Variants in MAP3K9 observed in about 807,000 individuals in gnomAD.
MAP3K9 encodes mitogen-activated protein kinase kinase kinase 9, also known as mixed lineage kinase 1 (tyr and ser/thr specificity).
Under a neutral mutation model 95.8 loss-of-function variants are expected in MAP3K9, and 46 were observed. The observed-to-expected ratio is 0.48, with a 90% confidence interval of 0.38 to 0.61. The LOEUF (loss-of-function observed/expected upper bound fraction) is 0.61, where lower values mean the gene tolerates loss of function less well. Among genes scored for constraint, MAP3K9 ranks in the 20% least tolerant of loss-of-function variants. The pLI is 0.00. For synonymous variants in MAP3K9, 533 were observed against 593.8 expected (o/e 0.90, Z 1.49); for missense variants, 1,296 against 1,474.3 (o/e 0.88, Z 1.98).
intron 2 of MAP3K9, among the ~76,000 whole-genome samples, chr14:70,793,747 C>T (rs1469795419): frequency 6.6e-6 from 1 of 152,082 alleles, no homozygotes. Flanking sequence ...GAGCTAAAGA[C>T]ACAAAACCTA....
intron 2 of MAP3K9, among the ~76,000 whole-genome samples, chr14:70,789,294 T>C (rs1594807320): frequency 6.6e-6 from 1 of 152,126 alleles, no homozygotes; most frequent in Admixed American, 6.5e-5. Context: ...GTGGGAATAG[T>C]AAAACTATGC....
chr14:70,749,404 C>T (rs1242473529), intron 4 of MAP3K9: 1 of 167,206 alleles, frequency 6.0e-6, no homozygotes, highest in African/African-American at 2.4e-5. Context: ...CCTTCCCCCA[C>T]CCACAATGGG....
At chr14:70,792,580 C>A (rs2054818218) in intron 2 of MAP3K9, among the ~76,000 whole-genome samples, 1 of 152,244 alleles carries the variant, frequency 6.6e-6, no homozygotes. Context: ...GCTTTTACAG[C>A]TACTCCTCAT....
intron 2 of MAP3K9, among the ~76,000 whole-genome samples, chr14:70,784,024 C>T (rs1010000329): frequency 2.0e-5 from 3 of 151,892 alleles, no homozygotes; most frequent in African/African-American, 7.2e-5. Flanking sequence ...TGGCTCACGC[C>T]TGTAATCCCA....
intron 2 of MAP3K9, among the ~76,000 whole-genome samples, chr14:70,779,769 C>G (rs944991292): frequency 1.3e-5 from 2 of 152,254 alleles, no homozygotes; most frequent in African/African-American, 4.8e-5. Flanking sequence ...TTCCACAGTT[C>G]TGGCATGCTG....
intron 2 of MAP3K9, among the ~76,000 whole-genome samples, chr14:70,764,713 T>C (rs2054425497): frequency 6.6e-6 from 1 of 152,068 alleles, no homozygotes; most frequent in Admixed American, 6.5e-5. Flanking sequence ...ATGCCTGTAG[T>C]CCCAGCTACT....
chr14:70,776,173 A>G (rs553095834), intron 2 of MAP3K9, among the ~76,000 whole-genome samples: 298 of 152,354 alleles, frequency 2.0e-3, no homozygotes, highest in Non-Finnish European at 3.0e-3. Flanking sequence ...TGGGCGACAG[A>G]GCGAGACTCC....
intron 9 of MAP3K9, among the ~76,000 whole-genome samples, chr14:70,735,470 G>A (rs913965804): frequency 1.3e-5 from 2 of 150,690 alleles, no homozygotes; most frequent in African/African-American, 2.4e-5. Context: ...CTTTTTCGCT[G>A]TTCAGAATTC....
intron 5 of MAP3K9, among the ~76,000 whole-genome samples, chr14:70,742,911 TTA>T (rs3081458): frequency 0.16 from 22,166 of 142,794 alleles, 1,706 homozygotes; most frequent in East Asian, 0.21. Context: ...TTATATATAT[TTA>T]TATATATATA....
intron 2 of MAP3K9, among the ~76,000 whole-genome samples, chr14:70,770,616 A>G (rs999642631): frequency 6.6e-5 from 10 of 152,220 alleles, no homozygotes; most frequent in African/African-American, 2.4e-4. Context: ...CTTCATCAGC[A>G]CATGAGCAAG....
chr14:70,799,021 T>C (rs969615673), intron 2 of MAP3K9, among the ~76,000 whole-genome samples: 11 of 152,248 alleles, frequency 7.2e-5, no homozygotes, highest in Non-Finnish European at 1.2e-4. Flanking sequence ...AATGTATATT[T>C]GTATATGCAT....
intron 2 of MAP3K9, among the ~76,000 whole-genome samples, chr14:70,786,640 C>A (rs1357114831): frequency 6.6e-6 from 1 of 152,144 alleles, no homozygotes; most frequent in Non-Finnish European, 1.5e-5. Context: ...ATACTTTGGT[C>A]CTAGCTGGAA....
intron 1 of MAP3K9, among the ~76,000 whole-genome samples, chr14:70,806,732 T>C (rs570488664): frequency 1.3e-4 from 20 of 152,308 alleles, no homozygotes; most frequent in South Asian, 8.3e-4. Context: ...GCACAAGATA[T>C]TGAAGAAACC....
chr14:70,786,386 C>A (rs544406061), intron 2 of MAP3K9, among the ~76,000 whole-genome samples: 1 of 152,204 alleles, frequency 6.6e-6, no homozygotes, highest in East Asian at 1.9e-4. Context: ...GCACAGGGAG[C>A]CAGGAGTCTA....
chr14:70,727,429 G>A lies in MAP3K9; in HGVS notation c.*2951C>T, dbSNP rs2053833688. 1 of 152,284 alleles carries A rather than the reference G, an allele frequency of 6.6e-6. No individual in the cohort carries two copies. The highest frequency in any genetic ancestry group is 6.5e-5 in the Admixed American group (1 of 15,278). The allele number at this position is 152,284 out of a possible 1,614,324, so 9.4% of individuals were successfully genotyped here. Reference sequence around the variant, plus strand: ...TGTTCCTATTACCATCTTCCATGAAGTTAGCACCTGCCAAGAGCAGAAGGA... The same window carrying A: ...TGTTCCTATTACCATCTTCCATGAAATTAGCACCTGCCAAGAGCAGAAGGA... On this transcript the variant is annotated 3_prime_UTR_variant, in exon 12 of 12. Coordinates refer to ENST00000554752, the MANE Select transcript of MAP3K9 (RefSeq NM_001284230.2).
intron 5 of MAP3K9, among the ~76,000 whole-genome samples, chr14:70,747,166 T>A (rs2054158537): frequency 6.6e-6 from 1 of 151,954 alleles, no homozygotes; most frequent in African/African-American, 2.4e-5. Flanking sequence ...AAAATGACAC[T>A]TGATATGGTT....
chr14:70,796,821 T>C (rs2054869725), intron 2 of MAP3K9, among the ~76,000 whole-genome samples: 1 of 151,684 alleles, frequency 6.6e-6, no homozygotes, highest in Non-Finnish European at 1.5e-5. Context: ...GATGAGGGAG[T>C]GAAAAATAGG....
rs1224690292 is a variant in MAP3K9 at position 70,722,600 on chromosome 14, G to A, written c.*7780C>T. On this transcript the variant is annotated 3_prime_UTR_variant, in exon 12 of 12. Coordinates refer to ENST00000554752, the MANE Select transcript of MAP3K9 (RefSeq NM_001284230.2). Reference sequence around the variant, plus strand: ...ACCAGGCTGAGATCAGCATTACACTGTAATACAATAAGAGGTTTAGCCATT... The same window carrying A: ...ACCAGGCTGAGATCAGCATTACACTATAATACAATAAGAGGTTTAGCCATT... 2 of 151,502 alleles carry A rather than the reference G, an allele frequency of 1.3e-5. No homozygotes were observed. The highest frequency in any genetic ancestry group is 2.9e-5 in the Non-Finnish European group (2 of 67,964). 9.4% of individuals were successfully genotyped at this position (151,502 alleles called of 1,614,324 possible).
At position 70,728,308 on chromosome 14, in the gene MAP3K9, G is replaced by A. The variant is rs1470179621; in HGVS notation, c.*2072C>T. On this transcript the variant is annotated 3_prime_UTR_variant, in exon 12 of 12. Coordinates refer to ENST00000554752, the MANE Select transcript of MAP3K9 (RefSeq NM_001284230.2). ...GGCTAATTTTTTTGTATTTTTAGTAGAGACAGGATATCTCCATGTTGGTCA... is the reference window on the plus strand; with the variant it reads ...GGCTAATTTTTTTGTATTTTTAGTAAAGACAGGATATCTCCATGTTGGTCA... The A allele has an allele frequency of 1.3e-5, 2 of 151,880 alleles. No individual in the cohort carries two copies. The highest frequency in any genetic ancestry group is 2.9e-5 in the Non-Finnish European group (2 of 68,024). The allele number at this position is 151,880 out of a possible 1,614,324, so 9.4% of individuals were successfully genotyped here.
Sources: allele counts gnomAD v4.1 joint callset (sites outside exome capture counted in the v4.1 genomes callset), GRCh38; gene constraint gnomAD v4.1.1; transcripts MANE v1.5; gene names NCBI Gene and HGNC (gene_info 2026-07-23, HGNC 2026-07-21).